The following TPTE2 variants were observed in gnomAD, a reference collection of about 807,000 sequenced individuals.
TPTE2 encodes the protein transmembrane phosphoinositide 3-phosphatase and tensin homolog 2.
TPTE2 carries 53 observed loss-of-function variants against 78.6 expected under a neutral mutation model. The ratio of observed to expected loss-of-function variants is 0.67; its 90% CI spans 0.54 to 0.85. TPTE2 has a LOEUF of 0.85. TPTE2 is among the 40% of genes least tolerant of loss of function. The pLI is 0.00. For missense variants in TPTE2, 461 were observed against 623.0 expected (o/e 0.74, Z 2.77); for synonymous variants, 175 against 206.2 (o/e 0.85, Z 1.30).
the TPTE2 span, chr13:19,561,051 C>A: frequency 1.3e-6 from 2 of 1,575,280 alleles, no homozygotes; most frequent in South Asian, 1.2e-5. Context: ...GAGCTGAGCA[C>A]CAGCTTCCCA....
Position 19,512,673 on chromosome 13 carries a change from G to T in TPTE2, c.-43-9396C>A, listed in dbSNP as rs550181978. 2.0e-5 allele frequency among the ~76,000 whole-genome samples: 3 copies of T among 152,196 alleles called. No homozygotes were observed. In the South Asian group the frequency reaches 6.2e-4, roughly 32 times the overall value. On this transcript the variant is annotated intron_variant, in intron 1 of 17. Transcript: ENST00000390680. The stretch of plus-strand genomic sequence containing the variant: ...AGCTCACTGCAACCTCTGCCTCCTG[G>T]ATTCAAGTGATCCTTCTGCCTCAGC...
chr13:19,488,350 A>T (rs569032367), intron 3 of TPTE2, among the ~76,000 whole-genome samples: 1 of 152,336 alleles, frequency 6.6e-6, no homozygotes, highest in African/African-American at 2.4e-5. Context: ...CTCTGCTTTG[A>T]AGATTTGAAA....
chr13:19,451,457 A>G (rs1355945934), intron 10 of TPTE2, among the ~76,000 whole-genome samples: 1 of 152,212 alleles, frequency 6.6e-6, no homozygotes, highest in African/African-American at 2.4e-5. Flanking sequence ...TTGTAAATAC[A>G]CACTGTTTAA....
rs1880138314 is a variant in TPTE2 at position 19,478,851 on chromosome 13, T to C, written c.180-3228A>G. Among the ~76,000 whole-genome samples, 3 of 152,262 alleles carry C rather than the reference T, an allele frequency of 2.0e-5. No individual in the cohort carries two copies. The East Asian group carries it at 5.8e-4, about 29-fold the overall frequency. Reference sequence around the variant, plus strand: ...AGCCATAAAAAAGGATGAGTTCATGTCCTTTGTAGGGACATGGATGAAGCT... The same window carrying C: ...AGCCATAAAAAAGGATGAGTTCATGCCCTTTGTAGGGACATGGATGAAGCT... On this transcript the variant is annotated intron_variant, in intron 4 of 19. Transcript: ENST00000400230.
intron 1 of TPTE2, among the ~76,000 whole-genome samples, chr13:19,516,645 G>A (rs185290777): frequency 6.6e-6 from 1 of 152,216 alleles, no homozygotes; most frequent in Admixed American, 6.5e-5. Context: ...ATTGCAATGG[G>A]ACCACTGGGG....
At chr13:19,545,195 T>C in the TPTE2 span, among the ~76,000 whole-genome samples, 1 of 151,926 alleles carries the variant, frequency 6.6e-6, no homozygotes, top group Non-Finnish European at 1.5e-5. Context: ...ATACTAAAAC[T>C]CTCTGTAAAA....
At chr13:19,537,684 C>T (rs1871291011), upstream of TPTE2, among the ~76,000 whole-genome samples, 1 of 151,508 alleles carries the variant, frequency 6.6e-6, no homozygotes, top group Non-Finnish European at 1.5e-5. Flanking sequence ...CTCACTGCAA[C>T]CTCTGTCTCC....
chr13:19,434,318 G>A (rs1460302760), intron 15 of TPTE2, among the ~76,000 whole-genome samples: 3 of 152,192 alleles, frequency 2.0e-5, no homozygotes, highest in Non-Finnish European at 4.4e-5. Flanking sequence ...AGGGGCATGA[G>A]CAATGGCATG....
At chr13:19,471,343 T>G (rs1593378267) in intron 6 of TPTE2, among the ~76,000 whole-genome samples, 1 of 152,186 alleles carries the variant, frequency 6.6e-6, no homozygotes, top group East Asian at 1.9e-4. Context: ...TGTTTTGGGG[T>G]CTTCTCTTCC....
intron 3 of TPTE2, among the ~76,000 whole-genome samples, chr13:19,482,959 C>T (rs1354092554): frequency 2.6e-5 from 4 of 152,104 alleles, no homozygotes; most frequent in African/African-American, 9.7e-5. Context: ...TGTTTTGGTT[C>T]CCCTGTGCAT....
intron 13 of TPTE2, among the ~76,000 whole-genome samples, chr13:19,448,372 ATAGAG>A (rs1013758921): frequency 5.3e-5 from 8 of 152,348 alleles, no homozygotes; most frequent in African/African-American, 1.7e-4. Context: ...GGAAACATTT[ATAGAG>A]TAAAGAGAGA....
Position 19,535,224 on chromosome 13 carries a change from AATAT to A in TPTE2, c.-44+1368_-44+1371del, listed in dbSNP as rs71092373. Among the ~76,000 whole-genome samples, 15 of 134,066 alleles carry A rather than the reference AATAT, an allele frequency of 1.1e-4. No homozygotes were observed. The highest frequency in any genetic ancestry group is 1.8e-4 in the African/African-American group (6 of 33,228). 88.0% of individuals were successfully genotyped at this position (134,066 alleles called of 152,430 possible). A position where few individuals can be genotyped will look rare whatever the true frequency, so the allele number is the denominator to read the frequency against. Reference sequence around the variant, plus strand: ...TCTCAAAAAAACAAACAAACAAAAAAATATATATATATATATATTCTTTAGATCC... The same window carrying A: ...TCTCAAAAAAACAAACAAACAAAAAAATATATATATATATTCTTTAGATCC... On this transcript the variant is annotated intron_variant, in intron 1 of 17. Coordinates refer to the TPTE2 transcript ENST00000390680. This position sits in a 1 kb window ranked among gnomAD's most constrained non-coding sequence, Gnocchi z 5.1.
intron 17 of TPTE2, among the ~76,000 whole-genome samples, chr13:19,428,361 T>A (rs566439230): frequency 1.3e-5 from 2 of 152,076 alleles, no homozygotes; most frequent in South Asian, 4.2e-4. Flanking sequence ...GGCAGGAGAA[T>A]CGCTTGAACC....
intron 13 of TPTE2, among the ~76,000 whole-genome samples, chr13:19,441,085 C>T (rs1308362955): frequency 6.8e-6 from 1 of 147,066 alleles, no homozygotes; most frequent in Non-Finnish European, 1.5e-5. Flanking sequence ...AAAACTCCCT[C>T]TCAAAAAAAA....
the TPTE2 span, among the ~76,000 whole-genome samples, chr13:19,547,346 T>C: frequency 1.3e-5 from 2 of 152,308 alleles, no homozygotes; most frequent in East Asian, 1.9e-4. Flanking sequence ...ACCATTGATA[T>C]CAGTTTTTAT....
the TPTE2 span, among the ~76,000 whole-genome samples, chr13:19,559,537 G>GA: frequency 6.8e-6 from 1 of 146,908 alleles, no homozygotes; most frequent in East Asian, 2.1e-4. Flanking sequence ...ATTGCTTCAA[G>GA]GCCGGGCACT....
chr13:19,487,437 A>G (rs1462970537), intron 3 of TPTE2, among the ~76,000 whole-genome samples: 2 of 152,078 alleles, frequency 1.3e-5, no homozygotes, highest in Non-Finnish European at 2.9e-5. Context: ...GCATGGGCTC[A>G]TAGTCACTCT....
chr13:19,506,556 A>T (rs1349473847), upstream of TPTE2, among the ~76,000 whole-genome samples: 2 of 152,148 alleles, frequency 1.3e-5, no homozygotes, highest in Non-Finnish European at 2.9e-5. Flanking sequence ...GGGCTGAGGA[A>T]TTATAAAAGC....
upstream of TPTE2, among the ~76,000 whole-genome samples, chr13:19,506,992 G>C (rs1251319816): frequency 6.6e-6 from 1 of 152,122 alleles, no homozygotes. Context: ...AAAAAGAAAA[G>C]GATGTTACAT....
Sources: gnomAD v4.1 joint callset for allele counts (sites outside exome capture counted in the v4.1 genomes callset) on GRCh38, gnomAD v4.1.1 for gene constraint, Gnocchi (gnomAD v3.1) non-coding constraint, MANE v1.5 for transcripts, NCBI Gene and HGNC (gene_info 2026-07-23, HGNC 2026-07-21) for gene names.